GRIK2: variants seen among roughly 807,000 people sequenced by gnomAD.
GRIK2 encodes the protein glutamate ionotropic receptor kainate type subunit 2.
In GRIK2, 32 loss-of-function variants were observed where a neutral mutation model predicts 100.3. That is an observed-to-expected ratio of 0.32 (90% confidence interval 0.24 to 0.43). The LOEUF is 0.43. Ranked by LOEUF, GRIK2 falls within the 20% of genes least tolerant of loss-of-function variation. The pLI, the probability that GRIK2 is intolerant of heterozygous loss-of-function variation, is 1.00. For missense variants in GRIK2, 843 were observed against 1,114.9 expected (o/e 0.76, Z 3.47); for synonymous variants, 417 against 389.4 (o/e 1.07, Z -0.83).
intron 11 of GRIK2, among the ~76,000 whole-genome samples, chr6:101,861,107 T>C (rs901801322): frequency 1.3e-5 from 2 of 152,162 alleles, no homozygotes; most frequent in African/African-American, 4.8e-5. Flanking sequence ...CTTAAACACT[T>C]TGAAACTTAA....
chr6:101,535,298 A>G (rs1775635832), intron 2 of GRIK2, among the ~76,000 whole-genome samples: 1 of 151,784 alleles, frequency 6.6e-6, no homozygotes, highest in South Asian at 2.1e-4. Context: ...TTGGACTTAA[A>G]CTGAGATTAC....
At chr6:101,471,826 T>C (rs140217350) in intron 2 of GRIK2, among the ~76,000 whole-genome samples, 12 of 152,084 alleles carry the variant, frequency 7.9e-5, no homozygotes, top group African/African-American at 2.6e-4. Flanking sequence ...GAGAGAAATC[T>C]TCCCCTTTAG....
intron 2 of GRIK2, among the ~76,000 whole-genome samples, chr6:101,501,556 T>G (rs1413167699): frequency 6.6e-6 from 1 of 152,188 alleles, no homozygotes; most frequent in Non-Finnish European, 1.5e-5. Context: ...TCTGATGGGC[T>G]TTACATTCAA....
intron 7 of GRIK2, among the ~76,000 whole-genome samples, chr6:101,790,403 A>G (rs372126656): frequency 6.6e-6 from 1 of 152,086 alleles, no homozygotes; most frequent in Non-Finnish European, 1.5e-5. Context: ...TTTATTGAGA[A>G]TTTTTAGCAT....
Position 101,630,847 on chromosome 6 carries a change from CT to C in GRIK2, c.541+4220del, listed in dbSNP as rs796264305. ...GCTTTTACTGCAAAACACACATGTG[CT>C]TTTTTTTTTACATATTTCCTTTTTC... On this transcript the variant is annotated intron_variant, in intron 4 of 16. Transcript: ENST00000369134. Among the ~76,000 whole-genome samples the C allele has an allele frequency of 5.6e-4, 83 of 147,518 alleles. No individual in the cohort carries two copies. The East Asian group carries it at 7.4e-3, about 13-fold the overall frequency.
chr6:101,851,440 A>T (rs1053040866), intron 10 of GRIK2, among the ~76,000 whole-genome samples: 4 of 152,074 alleles, frequency 2.6e-5, no homozygotes, highest in Admixed American at 1.3e-4. Flanking sequence ...TTTCTGTGAA[A>T]AATAAATAAA....
intron 2 of GRIK2, among the ~76,000 whole-genome samples, chr6:101,529,228 A>G (rs1013092211): frequency 2.6e-5 from 4 of 152,142 alleles, no homozygotes; most frequent in African/African-American, 9.6e-5. Flanking sequence ...ATGTGTCTCC[A>G]GTTTTTCAGC....
intron 7 of GRIK2, among the ~76,000 whole-genome samples, chr6:101,737,518 T>C (rs1207288167): frequency 6.6e-6 from 1 of 151,760 alleles, no homozygotes; most frequent in Non-Finnish European, 1.5e-5. Context: ...CATCAGATCT[T>C]ATGAGACCTA....
At position 101,869,027 on chromosome 6, in the gene GRIK2, G is replaced by A. The variant is rs185017459; in HGVS notation, c.1524+9534G>A. 4.0e-3 allele frequency among the ~76,000 whole-genome samples: 611 copies of A among 151,782 alleles called. 3 individuals are homozygous for A. Among genetic ancestry groups the A allele is most frequent in the Non-Finnish European group, 6.6e-3 (451 of 67,826 alleles). ...TATATCTAATTTTGTCAAGGGAAAG[G>A]GTCAGGGAAGTCTTTAAGCTTGAAT... On this transcript the variant is annotated intron_variant, in intron 11 of 16. Transcript: ENST00000369134.
intron 7 of GRIK2, among the ~76,000 whole-genome samples, chr6:101,719,716 T>C (rs1490261693): frequency 6.6e-6 from 1 of 151,976 alleles, no homozygotes; most frequent in African/African-American, 2.4e-5. Context: ...TCTGCCAGCA[T>C]AGGAGGCGAT....
intron 11 of GRIK2, among the ~76,000 whole-genome samples, chr6:101,867,918 A>C (rs541018335): frequency 6.6e-6 from 1 of 151,716 alleles, no homozygotes. Context: ...CAATTGTATC[A>C]TGAATTATTG....
chr6:101,478,506 GTTTTTTTTTTTTT>G (rs5878666), intron 2 of GRIK2, among the ~76,000 whole-genome samples: 1 of 119,580 alleles, frequency 8.4e-6, no homozygotes, highest in Non-Finnish European at 1.7e-5. Flanking sequence ...TTCTGTTTTG[GTTTTTTTTTTTTT>G]TTTTTTTTAA....
chr6:101,726,918 T>C (rs984066659), intron 7 of GRIK2, among the ~76,000 whole-genome samples: 9 of 150,668 alleles, frequency 6.0e-5, no homozygotes, highest in African/African-American at 9.7e-5. Context: ...TATTCTGAAG[T>C]TATTATGCTG....
intron 2 of GRIK2, among the ~76,000 whole-genome samples, chr6:101,460,150 G>A (rs1771226150): frequency 6.6e-6 from 1 of 151,984 alleles, no homozygotes; most frequent in African/African-American, 2.4e-5. Flanking sequence ...GTTGTGCCAC[G>A]ACAGTGTCAA....
In GRIK2 at chr6:101,868,073, C is replaced by T. The variant is rs147206294; in HGVS notation, c.1524+8580C>T. ...TACTAAATTGACATTATAGAGACCT[C>T]TATAAATGGAGACTTCTGGACACTC... On this transcript the variant is annotated intron_variant, in intron 11 of 16. Transcript: ENST00000369134. Among the ~76,000 whole-genome samples the T allele has an allele frequency of 5.4e-3, 787 of 146,386 alleles. 2 individuals carry two copies. Among genetic ancestry groups the T allele is most frequent in the Non-Finnish European group, 8.5e-3 (572 of 67,334 alleles).
intron 2 of GRIK2, among the ~76,000 whole-genome samples, chr6:101,485,669 G>A (rs1772782565): frequency 6.6e-6 from 1 of 152,036 alleles, no homozygotes; most frequent in South Asian, 2.1e-4. Flanking sequence ...GTTTTATAGG[G>A]ATAAGAGCAA....
chr6:101,844,044 T>C (rs928015648), intron 10 of GRIK2, among the ~76,000 whole-genome samples: 16 of 152,094 alleles, frequency 1.1e-4, no homozygotes, highest in Admixed American at 4.6e-4. Context: ...ACTGAATGAA[T>C]GATTAAATAG....
chr6:102,027,117 T>G (rs1384501561), intron 14 of GRIK2, among the ~76,000 whole-genome samples: 1 of 151,306 alleles, frequency 6.6e-6, no homozygotes, highest in Non-Finnish European at 1.5e-5. Flanking sequence ...ATGTAACTTT[T>G]TCATAACAAA....
At chr6:101,807,267 T>G (rs1417881357) in intron 9 of GRIK2, among the ~76,000 whole-genome samples, 5 of 152,014 alleles carry the variant, frequency 3.3e-5, no homozygotes, top group Non-Finnish European at 7.4e-5. Context: ...TTGCAGAAGG[T>G]CACCCTGAAG....
Sources: allele counts gnomAD v4.1 joint callset (sites outside exome capture counted in the v4.1 genomes callset), GRCh38; gene constraint gnomAD v4.1.1; transcripts MANE v1.5; gene names NCBI Gene and HGNC (gene_info 2026-07-23, HGNC 2026-07-21).